Variants in PTPN4 observed in about 807,000 individuals in gnomAD.
PTPN4 encodes the protein tyrosine-protein phosphatase non-receptor type 4.
A neutral mutation model predicts 135.5 loss-of-function variants in PTPN4; 49 were observed. The observed-to-expected ratio is 0.36, with a 90% CI of 0.29 to 0.46. The LOEUF is 0.46. PTPN4 is among the 20% of genes least tolerant of loss of function. The probability of loss-of-function intolerance (pLI) is 1.00; values close to 1 mark genes in which losing one functional copy is unlikely to be tolerated. For missense variants in PTPN4, 860 were observed against 1,101.0 expected (o/e 0.78, Z 3.10); for synonymous variants, 333 against 369.9 (o/e 0.90, Z 1.14).
chr2:119,815,761 AAT>A (rs1482827044), intron 2 of PTPN4, among the ~76,000 whole-genome samples: 1 of 152,192 alleles, frequency 6.6e-6, no homozygotes, highest in Non-Finnish European at 1.5e-5. Context: ...GCAGCCATTA[AAT>A]TATGAGAGAG....
chr2:119,894,076 GTAT>G (rs1678282515), intron 9 of PTPN4, among the ~76,000 whole-genome samples: 1 of 152,170 alleles, frequency 6.6e-6, no homozygotes, highest in Admixed American at 6.5e-5. Context: ...TGAGGCAGGA[GTAT>G]TATTATCTCC....
chr2:119,854,746 C>T (rs923321258), intron 2 of PTPN4, among the ~76,000 whole-genome samples: 4 of 152,184 alleles, frequency 2.6e-5, no homozygotes, highest in Non-Finnish European at 5.9e-5. Flanking sequence ...AAAGAGCTAA[C>T]CAATTCCGTA....
intron 14 of PTPN4, among the ~76,000 whole-genome samples, chr2:119,933,260 A>T (rs1678932096): frequency 6.6e-6 from 1 of 152,230 alleles, no homozygotes; most frequent in Non-Finnish European, 1.5e-5. Flanking sequence ...CACCATATTA[A>T]CATACTTAGT....
At chr2:119,963,257 C>T (rs1345248871) in intron 24 of PTPN4, among the ~76,000 whole-genome samples, 2 of 150,916 alleles carry the variant, frequency 1.3e-5, no homozygotes, top group Non-Finnish European at 3.0e-5. Context: ...ATTGCCAGCT[C>T]TTAATTTTGC....
intron 18 of PTPN4, 76 bp from the exon 19 acceptor site, chr2:119,951,897 T>C: frequency 8.2e-7 from 1 of 1,214,694 alleles, no homozygotes. Flanking sequence ...CTATTGGGTC[T>C]ATTAAAATAA....
At chr2:119,973,625 T>C (rs2105067148) in intron 26 of PTPN4, among the ~76,000 whole-genome samples, 1 of 149,244 alleles carries the variant, frequency 6.7e-6, no homozygotes, top group South Asian at 2.1e-4. Flanking sequence ...TTAAATCTCT[T>C]TTAATTGAAA....
chr2:119,879,206 AC>A (rs1678033571), intron 5 of PTPN4, among the ~76,000 whole-genome samples: 1 of 152,132 alleles, frequency 6.6e-6, no homozygotes, highest in Non-Finnish European at 1.5e-5. Context: ...AATGTACTTC[AC>A]TTGAAAAACT....
chr2:119,965,660 G>A lies in PTPN4; in HGVS notation c.2558+15G>A, dbSNP rs756028220. ...GTCCATTGCAGGTACTCTGTTTTCC[G>A]TCTTTTATGAGTGTATAGCTGAACA... On this transcript the variant is annotated intron_variant, in intron 25 of 26. Coordinates refer to ENST00000263708, the MANE Select transcript of PTPN4 (RefSeq NM_002830.4). 2.0e-5 allele frequency: 32 copies of A among 1,609,168 alleles called. No homozygotes were observed. Among genetic ancestry groups the A allele is most frequent in the African/African-American group, 5.4e-5 (4 of 74,710 alleles).
chr2:119,885,849 A>C lies in PTPN4; in HGVS notation c.642A>C (p.Leu214Phe), dbSNP rs1678148501. 1 of 1,605,682 alleles carries C rather than the reference A, an allele frequency of 6.2e-7. No homozygotes were observed. The highest frequency in any genetic ancestry group is 8.5e-7 in the Non-Finnish European group (1 of 1,177,176). ...EFNYLNTART[L>F]ELYGVEFHYA... Reference sequence around the variant, plus strand: ...ATTACCTAAACACAGCACGTACCTTAGAACTCTATGGAGTTGAATTCCACT... The same window carrying C: ...ATTACCTAAACACAGCACGTACCTTCGAACTCTATGGAGTTGAATTCCACT... Residue 214 changes from leucine to phenylalanine, a missense_variant, in exon 9 of 27, where the codon TTA (leucine) becomes TTC (phenylalanine). Transcript: ENST00000263708.
chr2:119,937,813 C>T (rs966045563), intron 15 of PTPN4, among the ~76,000 whole-genome samples: 1 of 152,112 alleles, frequency 6.6e-6, no homozygotes, highest in Non-Finnish European at 1.5e-5. Flanking sequence ...CACCTGTTGT[C>T]CCAGCTTACT....
At chr2:119,933,549 G>A (rs920262468) in intron 14 of PTPN4, among the ~76,000 whole-genome samples, 1 of 151,314 alleles carries the variant, frequency 6.6e-6, no homozygotes, top group Non-Finnish European at 1.5e-5. Flanking sequence ...GCATGGTGGC[G>A]TGCACCTGTC....
chr2:119,873,862 A>G (rs1054722312), intron 3 of PTPN4, among the ~76,000 whole-genome samples: 4 of 152,224 alleles, frequency 2.6e-5, no homozygotes, highest in Admixed American at 6.5e-5. Context: ...TATAACCCCA[A>G]TGCTCATTTA....
chr2:119,769,351 G>A (rs1352325305), intron 1 of PTPN4, among the ~76,000 whole-genome samples: 1 of 152,180 alleles, frequency 6.6e-6, no homozygotes, highest in Non-Finnish European at 1.5e-5. Flanking sequence ...GTGTTCAGGC[G>A]AGCTGCCTGT....
chr2:119,960,716 T>G, intron 22 of PTPN4, 91 bp from the exon 23 acceptor site: 1 of 1,241,178 alleles, frequency 8.1e-7, no homozygotes, highest in South Asian at 1.7e-5. Flanking sequence ...TTAGTTGTAT[T>G]CACTATAACA....
chr2:119,982,002 A>C lies in PTPN4; in HGVS notation c.*4932A>C, dbSNP rs892083482. On this transcript the variant is annotated 3_prime_UTR_variant, in exon 27 of 27. Transcript: ENST00000263708. Reference sequence around the variant, plus strand: ...GGGTGCAATCCATCAGCATTGGTTCAGTGCATATACATAAGTAAACCAGTT... The same window carrying C: ...GGGTGCAATCCATCAGCATTGGTTCCGTGCATATACATAAGTAAACCAGTT... 2.0e-5 allele frequency: 3 copies of C among 152,238 alleles called. No individual in the cohort carries two copies. Among genetic ancestry groups the C allele is most frequent in the African/African-American group, 4.8e-5 (2 of 41,476 alleles). 9.4% of individuals were successfully genotyped at this position (152,238 alleles called of 1,614,324 possible).
chr2:119,957,873 T>C (rs1007086588), intron 22 of PTPN4, among the ~76,000 whole-genome samples: 1 of 152,106 alleles, frequency 6.6e-6, no homozygotes, highest in Non-Finnish European at 1.5e-5. Flanking sequence ...TTCAAATATA[T>C]CAAAATGTAA....
chr2:119,809,126 T>A (rs1288027800), intron 1 of PTPN4, among the ~76,000 whole-genome samples: 1 of 152,034 alleles, frequency 6.6e-6, no homozygotes, highest in Non-Finnish European at 1.5e-5. Flanking sequence ...TCTAGGTATA[T>A]AAGTCAGTGT....
intron 2 of PTPN4, among the ~76,000 whole-genome samples, chr2:119,852,512 T>C (rs1488549918): frequency 6.6e-6 from 1 of 152,268 alleles, no homozygotes; most frequent in East Asian, 1.9e-4. Flanking sequence ...TTCAATTCTG[T>C]AAAGGTTGAT....
intron 1 of PTPN4, among the ~76,000 whole-genome samples, chr2:119,762,149 C>T (rs1163959450): frequency 6.6e-6 from 1 of 151,950 alleles, no homozygotes; most frequent in Non-Finnish European, 1.5e-5. Context: ...AGAATGCAGC[C>T]TCAGGAAATT....
Sources: gnomAD v4.1 joint callset for allele counts (sites outside exome capture counted in the v4.1 genomes callset) on GRCh38, gnomAD v4.1.1 for gene constraint, MANE v1.5 for transcripts, NCBI Gene and HGNC (gene_info 2026-07-23, HGNC 2026-07-21) for gene names.